WDR4: variants seen among roughly 807,000 people sequenced by gnomAD.
WDR4 encodes WDR4 tRNA N7-guanosine methyltransferase non-catalytic subunit, also known as tRNA (guanine-N(7)-)-methyltransferase non-catalytic subunit WDR4.
A neutral mutation model predicts 48.6 loss-of-function variants in WDR4; 47 were observed. The ratio of observed to expected loss-of-function variants is 0.97; its 90% CI spans 0.77 to 1.23. WDR4 has a LOEUF of 1.23. Among genes scored for constraint, WDR4 ranks in the 50% most tolerant of loss-of-function variants. The pLI is 0.00. For synonymous variants in WDR4, 268 were observed against 230.0 expected (o/e 1.17, Z -1.49); for missense variants, 606 against 551.6 (o/e 1.10, Z -0.99).
chr21:42,880,116 G>A (rs995003014), upstream of WDR4, among the ~76,000 whole-genome samples: 9 of 150,676 alleles, frequency 6.0e-5, no homozygotes, highest in Admixed American at 4.0e-4. Flanking sequence ...GGGCGACAGA[G>A]CGAGACTCTC....
chr21:42,876,274 C>T (rs886392627), intron 2 of WDR4, among the ~76,000 whole-genome samples: 4 of 142,628 alleles, frequency 2.8e-5, no homozygotes, highest in South Asian at 4.5e-4. Flanking sequence ...AGTGCAATGC[C>T]GCAATCTCAG....
At chr21:42,860,659 T>G (rs1251868573) in intron 5 of WDR4, among the ~76,000 whole-genome samples, 1 of 152,242 alleles carries the variant, frequency 6.6e-6, no homozygotes. Context: ...CCAGGACAGA[T>G]AGGGCACAGG....
chr21:42,857,403 C>T (rs947749264), intron 6 of WDR4, among the ~76,000 whole-genome samples: 1 of 152,112 alleles, frequency 6.6e-6, no homozygotes, highest in Non-Finnish European at 1.5e-5. Context: ...TGAAGCCCCT[C>T]GGGCCCCACC....
At chr21:42,886,063 TCTC>T in the WDR4 span, among the ~76,000 whole-genome samples, 1 of 151,992 alleles carries the variant, frequency 6.6e-6, no homozygotes, top group Non-Finnish European at 1.5e-5. Context: ...TTCAGGCGAT[TCTC>T]CTGTCTCAGC....
At position 42,879,189 on chromosome 21, in the gene WDR4, G is replaced by GGGGAGCGGACGCC. The variant is rs2058571604; in HGVS notation, c.89+205_89+217dup. On this transcript the variant is annotated intron_variant, in intron 1 of 10. Transcript: ENST00000398208. ...CTAGTGCAAGGAGCGCGCCGGAGCC[G>GGGGAGCGGACGCC]GGGAGCGGACGCCGAGAGCGGACGG... 4 of 1,334,188 alleles carry GGGGAGCGGACGCC rather than the reference G, an allele frequency of 3.0e-6. No homozygotes were observed. The African/African-American group carries it at 4.6e-5, about 15-fold the overall frequency. The allele number at this position is 1,334,188 out of a possible 1,614,324, so 82.6% of individuals were successfully genotyped here. A position where few individuals can be genotyped will look rare whatever the true frequency, so the allele number is the denominator to read the frequency against.
At chr21:42,857,255 C>T (rs2058017611) in intron 6 of WDR4, among the ~76,000 whole-genome samples, 2 of 152,284 alleles carry the variant, frequency 1.3e-5, no homozygotes, top group African/African-American at 4.8e-5. Context: ...AGCCCCTTCG[C>T]ACTCACCTCC....
At chr21:42,845,057 G>C (rs2057699034), downstream of WDR4, among the ~76,000 whole-genome samples, 1 of 152,224 alleles carries the variant, frequency 6.6e-6, no homozygotes, top group Non-Finnish European at 1.5e-5. Context: ...GGTGCACTGG[G>C]CACGGAGAGG....
intron 8 of WDR4, 69 bp from the exon 9 acceptor site, chr21:42,853,821 C>A: frequency 6.8e-7 from 1 of 1,474,262 alleles, no homozygotes; most frequent in Non-Finnish European, 9.1e-7. Context: ...GCAGCCAGCA[C>A]CCCAGACGGT....
intron 3 of WDR4, among the ~76,000 whole-genome samples, chr21:42,870,013 C>CAAA (rs35193980): frequency 6.4e-5 from 8 of 125,024 alleles, no homozygotes; most frequent in Admixed American, 2.5e-4. Context: ...AACTCCATCT[C>CAAA]AAAAAAAAAA....
Position 42,867,027 on chromosome 21 carries a change from A to G in WDR4, c.297-3431T>C, listed in dbSNP as rs140640784. Among the ~76,000 whole-genome samples the G allele has an allele frequency of 3.2e-3, 485 of 152,234 alleles. 2 individuals carry two copies. The highest frequency in any genetic ancestry group is 0.01 in the African/African-American group (433 of 41,550). ...TGCTGCCTGGACTGCATCAAATCAC[A>G]TGGTCCATCTTCCACACCACCTAAG... On this transcript the variant is annotated intron_variant, in intron 3 of 10. Transcript: ENST00000398208.
In WDR4 at chr21:42,852,294, CTT is replaced by C; in HGVS notation, c.1004_1005del (p.Lys335SerfsTer95). The C allele has an allele frequency of 6.2e-7, 1 of 1,614,176 alleles. No individual in the cohort carries two copies. Among genetic ancestry groups the C allele is most frequent in the Non-Finnish European group, 8.5e-7 (1 of 1,180,026 alleles). On this transcript the variant is annotated frameshift_variant, in exon 10 of 11. Transcript: ENST00000398208. LOFTEE classifies it low-confidence loss of function (END_TRUNC). ...QSVPESTVLK[K>X]VSGVLRGNWA... ...CAGTTCCCACGAAGAACACCAGAGA[CTT>C]TCTTTAACACGGTGCTCTCAGGAAC...
At chr21:42,887,342 T>C in the WDR4 span, among the ~76,000 whole-genome samples, 1 of 151,260 alleles carries the variant, frequency 6.6e-6, no homozygotes, top group African/African-American at 2.4e-5. Context: ...AGTCTCACTA[T>C]TGCCCAATCT....
At chr21:42,855,661 G>A (rs1209105560) in intron 7 of WDR4, 21 bp downstream of exon 7, 1 of 1,535,320 alleles carries the variant, frequency 6.5e-7, no homozygotes, top group South Asian at 1.2e-5. Flanking sequence ...CAGTCGCCCA[G>A]GAGTGAACAG....
At chr21:42,859,588 C>T in intron 6 of WDR4, 74 bp downstream of exon 6, 10 of 714,558 alleles carry the variant, frequency 1.4e-5, no homozygotes, top group Non-Finnish European at 2.1e-5. Context: ...GGGGCCAGGT[C>T]CAGGAGGCGC....
At chr21:42,879,132 C>T in intron 1 of WDR4, 1 of 1,231,844 alleles carries the variant, frequency 8.1e-7, no homozygotes, top group Non-Finnish European at 1.0e-6. Flanking sequence ...CCCGGCGGCG[C>T]TAACCGGGCA....
chr21:42,873,484 T>A, intron 3 of WDR4, 67 bp downstream of exon 3: 1 of 1,591,786 alleles, frequency 6.3e-7, no homozygotes, highest in Non-Finnish European at 8.6e-7. Context: ...TGGTCACTAT[T>A]GCTACAGGCA....
chr21:42,863,742 T>G (rs760869859), intron 3 of WDR4, 146 bp from the exon 4 acceptor site: 7 of 831,968 alleles, frequency 8.4e-6, no homozygotes, highest in South Asian at 2.0e-5. Flanking sequence ...CCAAAAAAAT[T>G]AAGCAATGCT....
chr21:42,879,154 G>A, intron 1 of WDR4: 10 of 1,295,060 alleles, frequency 7.7e-6, no homozygotes, highest in African/African-American at 1.5e-5. Flanking sequence ...GAACACCGCA[G>A]ACCAGCCATC....
At chr21:42,851,394 G>A (rs758958319) in intron 10 of WDR4, among the ~76,000 whole-genome samples, 32 of 152,222 alleles carry the variant, frequency 2.1e-4, no homozygotes, top group African/African-American at 4.1e-4. Flanking sequence ...GCCGCCACTC[G>A]GGGAGCCTGG....
Sources: gnomAD v4.1 joint callset for allele counts (sites outside exome capture counted in the v4.1 genomes callset) on GRCh38, gnomAD v4.1.1 for gene constraint, MANE v1.5 for transcripts, NCBI Gene and HGNC (gene_info 2026-07-23, HGNC 2026-07-21) for gene names.